The following CPT1C variants were observed in gnomAD, a reference collection of about 807,000 sequenced individuals.
CPT1C encodes the protein carnitine palmitoyltransferase 1C.
CPT1C carries 61 observed loss-of-function variants against 97.3 expected under a neutral mutation model. The observed-to-expected ratio is 0.63, with a 90% CI of 0.51 to 0.78. The LOEUF (loss-of-function observed/expected upper bound fraction) is 0.78. Among genes scored for constraint, CPT1C ranks in the 30% least tolerant of loss-of-function variants. The pLI is 0.00. For missense variants in CPT1C, 975 were observed against 1,065.5 expected (o/e 0.92, Z 1.18); for synonymous variants, 469 against 447.2 (o/e 1.05, Z -0.61).
At chr19:49,707,470 T>A (rs1555782560) in intron 12 of CPT1C, 48 bp from the exon 13 acceptor site, 1 of 1,364,422 alleles carries the variant, frequency 7.3e-7, no homozygotes. Context: ...CACTCTGAGG[T>A]CCCCGTGCCC....
chr19:49,700,751 G>A lies in CPT1C; in HGVS notation c.349G>A (p.Ala117Thr). Reference sequence around the variant, plus strand: ...GCTGTTTGCCTCGTGTTTGTGGGGAGCCCTGATCTTCACACTGCACGTGGC... The same window carrying A: ...GCTGTTTGCCTCGTGTTTGTGGGGAACCCTGATCTTCACACTGCACGTGGC... ...AALFASCLWG[A>T]LIFTLHVALR... Residue 117 changes from alanine (A) to threonine (T), a missense_variant, in exon 5 of 20, where the codon GCC (alanine) becomes ACC (threonine). By Grantham distance (58) the Ala-to-Thr change is moderately conservative (BLOSUM62 0). Around this residue, in one of 3 missense-constraint regions of CPT1C, gnomAD observed 596 missense variants for 603.1 expected, o/e 0.99. Transcript: ENST00000598293. 1 of 1,612,954 alleles carries A rather than the reference G, an allele frequency of 6.2e-7. No homozygotes were observed. The highest frequency in any genetic ancestry group is 1.1e-5 in the South Asian group (1 of 91,088).
In CPT1C at chr19:49,706,712, C is replaced by T. The variant is rs1478540770; in HGVS notation, c.1343+299C>T. Among the ~76,000 whole-genome samples, 1 of 152,006 alleles carries T rather than the reference C, an allele frequency of 6.6e-6. No homozygotes were observed. Among genetic ancestry groups the T allele is most frequent in the Non-Finnish European group, 1.5e-5 (1 of 68,008 alleles). ...ACCCAGAGAACTCAGCATCACAGAC[C>T]CAGAGACCCCAGATCTGAGGACCAC... On this transcript the variant is annotated intron_variant, in intron 12 of 19. Coordinates refer to ENST00000598293, the MANE Select transcript of CPT1C (RefSeq NM_001199753.2). This position sits in a 1 kb window ranked among gnomAD's most constrained non-coding sequence, Gnocchi z 4.8.
chr19:49,697,626 C>A, intron 4 of CPT1C, 161 bp downstream of exon 4: 1 of 800,614 alleles, frequency 1.2e-6, no homozygotes, highest in East Asian at 2.8e-5. Context: ...GAGGTGAGGC[C>A]GGGCACAGTG....
intron 17 of CPT1C, chr19:49,712,178 A>G: frequency 1.8e-6 from 1 of 546,600 alleles, no homozygotes. Context: ...CCCTGTCTCT[A>G]CTAAAAATAC....
chr19:49,706,315 G>C lies in CPT1C; in HGVS notation c.1245G>C (p.Val415=). The C allele has an allele frequency of 6.5e-7, 1 of 1,527,044 alleles. No individual in the cohort carries two copies. 94.6% of individuals were successfully genotyped at this position (1,527,044 alleles called of 1,614,324 possible). ...CGGTGGAAGGGGCCGCTTTCTTTGT[G>C]TCACTGGATGCTGAGCCCGCGGGGC... ...LEAVEGAAFF[V]SLDAEPAGLT... is the part of the protein sequence containing the mutation. The change falls in exon 12 of 20, where the codon GTG becomes GTC. Residue 415 remains valine (V), a synonymous_variant. Transcript: ENST00000598293. The surrounding 1 kb of genome is among the most constrained non-coding windows in gnomAD (Gnocchi z 4.8).
chr19:49,701,389 G>C lies in CPT1C; in HGVS notation c.526G>C (p.Val176Leu), dbSNP rs777442037. Residue 176 changes from valine to leucine, a missense_variant, in exon 6 of 20, where the codon GTG becomes CTG. Physicochemically the swap from Val to Leu is conservative, Grantham distance 32. This residue lies in a region of CPT1C where 596 missense variants were observed against 603.1 expected (regional missense o/e 0.99). Coordinates refer to ENST00000598293, the MANE Select transcript of CPT1C (RefSeq NM_001199753.2). ...SYQRSLPRQP[V>L]PSVQDTVRKY... is the part of the protein sequence containing the mutation. Reference sequence around the variant, plus strand: ...CCAGCGCTCCCTGCCACGCCAGCCCGTGCCCTCTGTGCAGGACACCGTGCG... The same window carrying C: ...CCAGCGCTCCCTGCCACGCCAGCCCCTGCCCTCTGTGCAGGACACCGTGCG... 1 of 1,613,372 alleles carries C rather than the reference G, an allele frequency of 6.2e-7. No individual in the cohort carries two copies. Among genetic ancestry groups the C allele is most frequent in the Non-Finnish European group, 8.5e-7 (1 of 1,179,866 alleles).
chr19:49,700,861 G>A lies in CPT1C; in HGVS notation c.453+6G>A, dbSNP rs1468482309. ...CCCCCACCAAGACCTGGCTGGTATG[G>A]GAGGGGCATAGCCCTGCTCAGGCTC... On this transcript the variant is annotated splice_donor_region_variant and intron_variant, in intron 5 of 19. Coordinates refer to ENST00000598293, the MANE Select transcript of CPT1C (RefSeq NM_001199753.2). The A allele has an allele frequency of 1.2e-6, 2 of 1,611,320 alleles. No homozygotes were observed. The highest frequency in any genetic ancestry group is 2.2e-5 in the East Asian group (1 of 44,876).
intron 3 of CPT1C, among the ~76,000 whole-genome samples, chr19:49,692,871 G>T (rs1239128755): frequency 2.6e-5 from 4 of 151,858 alleles, no homozygotes; most frequent in Non-Finnish European, 5.9e-5. Context: ...GATTATTGGC[G>T]CACGCCACCA....
At chr19:49,697,083 C>G (rs1208441828) in intron 3 of CPT1C, among the ~76,000 whole-genome samples, 2 of 152,188 alleles carry the variant, frequency 1.3e-5, no homozygotes, top group Non-Finnish European at 2.9e-5. Flanking sequence ...CTCCCTGATG[C>G]CCTCGAACTG....
chr19:49,699,199 A>T (rs8103273), intron 4 of CPT1C, among the ~76,000 whole-genome samples: 4,069 of 152,012 alleles, frequency 0.027, 167 homozygotes, highest in African/African-American at 0.092. Flanking sequence ...AGTTATTGTG[A>T]TCTTCAGGAA....
chr19:49,706,454 G>A lies in CPT1C; in HGVS notation c.1343+41G>A, dbSNP rs1047103188. 5.6e-6 allele frequency: 8 copies of A among 1,422,824 alleles called. No homozygotes were observed. Among genetic ancestry groups the A allele is most frequent in the Admixed American group, 6.8e-5 (2 of 29,558 alleles). 88.1% of individuals were successfully genotyped at this position (1,422,824 alleles called of 1,614,324 possible). On this transcript the variant is annotated intron_variant, in intron 12 of 19. Coordinates refer to ENST00000598293, the MANE Select transcript of CPT1C (RefSeq NM_001199753.2). This position sits in a 1 kb window ranked among gnomAD's most constrained non-coding sequence, Gnocchi z 4.8. ...GATGGGGCCCCCAGATGTGGCACCCGAGAATCCAGTATCAGACCTAGGACC... is the reference window on the plus strand; with the variant it reads ...GATGGGGCCCCCAGATGTGGCACCCAAGAATCCAGTATCAGACCTAGGACC...
chr19:49,709,944 TC>T (rs1190354000), intron 14 of CPT1C, among the ~76,000 whole-genome samples: 1 of 151,944 alleles, frequency 6.6e-6, no homozygotes, highest in African/African-American at 2.4e-5. Flanking sequence ...CCTCCTGGGT[TC>T]AAGCGATTCT....
At chr19:49,696,008 C>T (rs186998199) in intron 3 of CPT1C, among the ~76,000 whole-genome samples, 2 of 152,114 alleles carry the variant, frequency 1.3e-5, no homozygotes. Flanking sequence ...TCCTGAGTAG[C>T]TGGGATTATA....
At position 49,712,958 on chromosome 19, in the gene CPT1C, CTT is replaced by C; in HGVS notation, c.2134-12_2134-11del. 1 of 1,612,206 alleles carries C rather than the reference CTT, an allele frequency of 6.2e-7. No individual in the cohort carries two copies. Among genetic ancestry groups the C allele is most frequent in the Non-Finnish European group, 8.5e-7 (1 of 1,178,304 alleles). ...CCGGAGCTATTTTCTTCCCTTCACT[CTT>C]TCCGTCTCCAGGCTGATGACCATGG... On this transcript the variant is annotated splice_polypyrimidine_tract_variant and intron_variant, in intron 18 of 19. Coordinates refer to ENST00000598293, the MANE Select transcript of CPT1C (RefSeq NM_001199753.2).
Position 49,712,833 on chromosome 19 carries a change from G to A in CPT1C, c.2117G>A (p.Gly706Asp). 1 of 1,601,106 alleles carries A rather than the reference G, an allele frequency of 6.2e-7. No individual in the cohort carries two copies. Among genetic ancestry groups the A allele is most frequent in the Non-Finnish European group, 8.5e-7 (1 of 1,177,162 alleles). The change falls in exon 18 of 20, where the codon GGC (glycine) becomes GAC (aspartate). Residue 706 changes from glycine to aspartate, a missense_variant. Around this residue, in one of 3 missense-constraint regions of CPT1C, gnomAD observed 344 missense variants for 395.7 expected, o/e 0.87. Coordinates refer to ENST00000598293, the MANE Select transcript of CPT1C (RefSeq NM_001199753.2). ...VHNYPDYVSS[G>D]GGFGPADDHG... ...AATTACCCGGACTATGTTTCCTCAG[G>A]CGGTGGATTCGGGCCTGTGAGTGGA...
intron 7 of CPT1C, among the ~76,000 whole-genome samples, chr19:49,703,591 C>CCTTCCTTCCTTCCTTCCTTCCTTCCTT (rs2083328569): frequency 1.0e-4 from 7 of 68,380 alleles, no homozygotes; most frequent in Non-Finnish European, 1.8e-4. Flanking sequence ...CTCCCTCCCT[C>CCTTCCTTCCTTCCTTCCTTCCTTCCTT]CCTCCCTTCC....
chr19:49,698,231 G>A (rs2082781861), intron 4 of CPT1C, among the ~76,000 whole-genome samples: 1 of 151,730 alleles, frequency 6.6e-6, no homozygotes. Context: ...GCCAAGTGTG[G>A]TGTCACTTAC....
chr19:49,704,926 AG>A, intron 8 of CPT1C, 80 bp from the exon 9 acceptor site: 1 of 1,417,312 alleles, frequency 7.1e-7, no homozygotes, highest in Non-Finnish European at 9.9e-7. Flanking sequence ...TTTTGGGGTC[AG>A]GACCTGTATT....
rs140642411 is a variant in CPT1C at position 49,710,828 on chromosome 19, G to A, written c.1837G>A (p.Val613Ile). Residue 613 changes from valine (V) to isoleucine (I), a missense_variant, in exon 16 of 20, where the codon GTC becomes ATC. Physicochemically the swap from Val to Ile is conservative, Grantham distance 29. Coordinates refer to ENST00000598293, the MANE Select transcript of CPT1C (RefSeq NM_001199753.2). ...RSCTREACNFVRAMEDKEKTD... is the reference protein window; with the variant it reads ...RSCTREACNFIRAMEDKEKTD... ...TTGCACGAGGGAGGCCTGCAACTTT[G>A]TCAGGGCCATGGAGGACAAAGAGAA... 3.1e-6 allele frequency: 5 copies of A among 1,613,722 alleles called. No individual in the cohort carries two copies. The highest frequency in any genetic ancestry group is 3.3e-5 in the Admixed American group (2 of 59,994).
Sources: allele counts gnomAD v4.1 joint callset (sites outside exome capture counted in the v4.1 genomes callset), GRCh38; gene constraint gnomAD v4.1.1; regional missense constraint gnomAD v4.1.1; non-coding constraint Gnocchi (gnomAD v3.1); transcripts MANE v1.5; gene names NCBI Gene and HGNC (gene_info 2026-07-23, HGNC 2026-07-21).